The following GALNT13 variants were observed in gnomAD, a reference collection of about 807,000 sequenced individuals.
The protein encoded by GALNT13 is polypeptide N-acetylgalactosaminyltransferase 13, also known as UDP-GalNAc:polypeptide N-acetylgalactosaminyltransferase 13.
A neutral mutation model predicts 64.2 loss-of-function variants in GALNT13; 28 were observed. The ratio of observed to expected loss-of-function variants is 0.44; its 90% CI spans 0.32 to 0.60. The LOEUF is 0.60. Ranked by LOEUF, GALNT13 falls within the 20% of genes least tolerant of loss-of-function variation. The pLI, the probability that GALNT13 is intolerant of heterozygous loss-of-function variation, is 0.05. For synonymous variants in GALNT13, 214 were observed against 224.6 expected (o/e 0.95, Z 0.42); for missense variants, 577 against 669.8 (o/e 0.86, Z 1.53).
chr2:154,324,950 G>A (rs184080947), intron 9 of GALNT13, among the ~76,000 whole-genome samples: 1 of 152,220 alleles, frequency 6.6e-6, no homozygotes, highest in Admixed American at 6.5e-5. Flanking sequence ...TTTGTAAGAT[G>A]TCTCACCCTG....
the GALNT13 span, among the ~76,000 whole-genome samples, chr2:153,481,905 A>G: frequency 2.0e-5 from 3 of 152,180 alleles, no homozygotes. Context: ...AAGGATATTT[A>G]TTGCTTTGGG....
At chr2:153,490,479 A>G in the GALNT13 span, among the ~76,000 whole-genome samples, 1 of 152,086 alleles carries the variant, frequency 6.6e-6, no homozygotes, top group Admixed American at 6.5e-5. Flanking sequence ...CTCCCAGGCT[A>G]AGTGATTCTC....
chr2:153,652,699 A>G, the GALNT13 span, among the ~76,000 whole-genome samples: 1 of 152,190 alleles, frequency 6.6e-6, no homozygotes, highest in Non-Finnish European at 1.5e-5. Flanking sequence ...GTTTGAAAAT[A>G]AAATGCAAAA....
At chr2:153,184,594 T>C in the GALNT13 span, among the ~76,000 whole-genome samples, 5 of 152,126 alleles carry the variant, frequency 3.3e-5, no homozygotes, top group African/African-American at 1.2e-4. Flanking sequence ...ACGATGTTGG[T>C]TGTGGGTTTG....
intron 9 of GALNT13, among the ~76,000 whole-genome samples, chr2:154,302,125 T>C (rs1693477891): frequency 6.6e-6 from 1 of 151,992 alleles, no homozygotes. Context: ...TTCTTTTCCC[T>C]ATATTTTTAT....
the GALNT13 span, among the ~76,000 whole-genome samples, chr2:153,600,340 G>A: frequency 1.3e-5 from 2 of 150,866 alleles, no homozygotes; most frequent in Admixed American, 1.3e-4. Flanking sequence ...TCTACCTTTT[G>A]CACCTAAGTT....
the GALNT13 span, among the ~76,000 whole-genome samples, chr2:153,607,219 A>G: frequency 1.8e-5 from 2 of 108,676 alleles, no homozygotes; most frequent in South Asian, 6.2e-4. Context: ...GAGTGACACA[A>G]AAGTTAGGCA....
the GALNT13 span, among the ~76,000 whole-genome samples, chr2:153,698,422 G>GA: frequency 1.2e-3 from 183 of 150,374 alleles, 1 homozygote; most frequent in East Asian, 0.027. Flanking sequence ...CAAATAGAAA[G>GA]AAAAAAAAGG....
chr2:153,646,905 G>A, the GALNT13 span, among the ~76,000 whole-genome samples: 1 of 151,990 alleles, frequency 6.6e-6, no homozygotes, highest in East Asian at 1.9e-4. Flanking sequence ...GCTATTGTGA[G>A]TAGTGCCGCA....
the GALNT13 span, among the ~76,000 whole-genome samples, chr2:153,076,124 T>C: frequency 6.6e-6 from 1 of 152,160 alleles, no homozygotes; most frequent in East Asian, 1.9e-4. Context: ...GGTAGATTTC[T>C]GAAAATAAGG....
chr2:153,587,077 C>CA, the GALNT13 span, among the ~76,000 whole-genome samples: 6 of 151,450 alleles, frequency 4.0e-5, no homozygotes, highest in South Asian at 1.0e-3. Context: ...ACTAAAAATA[C>CA]AAAAAAATTA....
intron 3 of GALNT13, among the ~76,000 whole-genome samples, chr2:154,020,527 G>A (rs955139202): frequency 3.9e-5 from 6 of 152,092 alleles, no homozygotes; most frequent in Middle Eastern, 3.4e-3. Flanking sequence ...CATATCTTTC[G>A]CCCACTTTTT....
the GALNT13 span, among the ~76,000 whole-genome samples, chr2:153,572,611 C>T: frequency 2.6e-5 from 4 of 151,808 alleles, no homozygotes; most frequent in Non-Finnish European, 4.4e-5. Flanking sequence ...ATTGCTTTTG[C>T]TGTATCCCAT....
chr2:153,481,078 T>C, the GALNT13 span, among the ~76,000 whole-genome samples: 1 of 152,286 alleles, frequency 6.6e-6, no homozygotes, highest in Non-Finnish European at 1.5e-5. Flanking sequence ...TAAGGACTAA[T>C]TAGTCACAAA....
In GALNT13 at chr2:153,881,470, AAAGTT is replaced by A. The variant is rs532100129; in HGVS notation, c.-177+9168_-177+9172del. On this transcript the variant is annotated intron_variant, in intron 1 of 12. Coordinates refer to ENST00000392825, the MANE Select transcript of GALNT13 (RefSeq NM_052917.4). ...TAAAAGACTTTTATTGTTGTGCACT[AAAGTT>A]GAGATGAATTGTAGGTAATTGGATG... is the stretch of plus-strand genomic sequence containing the variant. Among the ~76,000 whole-genome samples the A allele has an allele frequency of 2.1e-3, 313 of 152,288 alleles. 1 individual carries two copies. Among genetic ancestry groups the A allele is most frequent in the African/African-American group, 7.4e-3 (309 of 41,566 alleles).
At chr2:153,154,029 C>G in the GALNT13 span, among the ~76,000 whole-genome samples, 7 of 152,102 alleles carry the variant, frequency 4.6e-5, no homozygotes, top group Non-Finnish European at 1.0e-4. Context: ...TATCCAAGAG[C>G]ATGGAATGTT....
the GALNT13 span, among the ~76,000 whole-genome samples, chr2:153,110,658 A>G: frequency 6.6e-6 from 1 of 152,044 alleles, no homozygotes; most frequent in Non-Finnish European, 1.5e-5. Flanking sequence ...CAAATGAAGG[A>G]CCAGACTGGT....
intron 9 of GALNT13, among the ~76,000 whole-genome samples, chr2:154,317,421 C>T (rs1694382180): frequency 6.6e-6 from 1 of 151,998 alleles, no homozygotes; most frequent in South Asian, 2.1e-4. Context: ...TATTCAAAGG[C>T]TAGATGTTAA....
At chr2:153,745,032 C>T in the GALNT13 span, among the ~76,000 whole-genome samples, 2 of 152,048 alleles carry the variant, frequency 1.3e-5, no homozygotes, top group East Asian at 1.9e-4. Context: ...TTCAGAGAAA[C>T]ATAGGCTATC....
Sources: gnomAD v4.1 joint callset for allele counts (sites outside exome capture counted in the v4.1 genomes callset) on GRCh38, gnomAD v4.1.1 for gene constraint, MANE v1.5 for transcripts, NCBI Gene and HGNC (gene_info 2026-07-23, HGNC 2026-07-21) for gene names.